Variants in GABRB1 observed in about 807,000 individuals in gnomAD.
The protein encoded by GABRB1 is gamma-aminobutyric acid type A receptor subunit beta1, also known as gamma-aminobutyric acid receptor subunit beta-1.
GABRB1 carries 17 observed loss-of-function variants against 51.6 expected under a neutral mutation model. The ratio of observed to expected loss-of-function variants is 0.33; its 90% CI spans 0.23 to 0.49. The LOEUF is 0.49. Among genes scored for constraint, GABRB1 ranks in the 20% least tolerant of loss-of-function variants. GABRB1 has a pLI of 0.99. For missense variants in GABRB1, 410 were observed against 600.6 expected (o/e 0.68, Z 3.32); for synonymous variants, 247 against 218.9 (o/e 1.13, Z -1.14).
chr4:47,403,392 G>A lies in GABRB1; in HGVS notation c.619G>A (p.Glu207Lys), dbSNP rs775300084. The A allele has an allele frequency of 1.2e-6, 2 of 1,613,946 alleles. No homozygotes were observed. Among genetic ancestry groups the A allele is most frequent in the South Asian group, 1.1e-5 (1 of 91,062 alleles). The change falls in exon 6 of 9, where the codon GAA (glutamate) becomes AAA (lysine). Residue 207 changes from glutamate (E) to lysine (K), a missense_variant. Coordinates refer to ENST00000295454, the MANE Select transcript of GABRB1 (RefSeq NM_000812.4). ...EGAVTGVNKIELPQFSIVDYK... is the reference protein window; with the variant it reads ...EGAVTGVNKIKLPQFSIVDYK... ...GGCAGTCACTGGTGTTAATAAAATCGAACTTCCTCAATTTTCAATTGTTGA... is the reference window on the plus strand; with the variant it reads ...GGCAGTCACTGGTGTTAATAAAATCAAACTTCCTCAATTTTCAATTGTTGA...
Position 47,425,922 on chromosome 4 carries a change from G to A in GABRB1, c.1329G>A (p.Leu443=), listed in dbSNP as rs6288. ...AGCTCAAAGTCAAGATCCCCGACTTGACTGATGTGAATTCCATAGACAAGT... is the reference window on the plus strand; with the variant it reads ...AGCTCAAAGTCAAGATCCCCGACTTAACTGATGTGAATTCCATAGACAAGT... ...ASQLKVKIPD[L]TDVNSIDKWS... Residue 443 remains leucine (L), a synonymous_variant, in exon 9 of 9, where the codon TTG becomes TTA. Transcript: ENST00000295454. The A allele has an allele frequency of 3.6e-3, 5,834 of 1,614,128 alleles. 16 individuals are homozygous for A. Among genetic ancestry groups the A allele is most frequent in the Non-Finnish European group, 4.7e-3 (5,550 of 1,179,974 alleles).
chr4:47,119,620 T>G (rs1373072603), intron 3 of GABRB1, among the ~76,000 whole-genome samples: 2 of 151,984 alleles, frequency 1.3e-5, no homozygotes, highest in Admixed American at 1.3e-4. Context: ...GCGATTCTGC[T>G]GCCTCAGCCT....
intron 4 of GABRB1, among the ~76,000 whole-genome samples, chr4:47,300,860 G>A (rs1274043620): frequency 6.6e-6 from 1 of 152,104 alleles, no homozygotes; most frequent in African/African-American, 2.4e-5. Context: ...AATGGACAAA[G>A]AGGCTATACA....
Position 47,040,516 on chromosome 4 carries a change from G to A in GABRB1, c.240+8032G>A, listed in dbSNP as rs536984642. Among the ~76,000 whole-genome samples, 243 of 152,170 alleles carry A rather than the reference G, an allele frequency of 1.6e-3. 4 individuals are homozygous for A. The highest frequency in any genetic ancestry group is 5.7e-3 in the African/African-American group (236 of 41,532). ...TTCCATATTAAGTGATTGACATCGG[G>A]GCTGCATGTGCCTAGGGAGGGAACC... is the stretch of plus-strand genomic sequence containing the variant. On this transcript the variant is annotated intron_variant, in intron 3 of 8. Transcript: ENST00000295454.
At chr4:47,033,916 T>C (rs1384526839) in intron 3 of GABRB1, among the ~76,000 whole-genome samples, 2 of 152,224 alleles carry the variant, frequency 1.3e-5, no homozygotes, top group African/African-American at 2.4e-5. Flanking sequence ...TATTATATTC[T>C]GTTTACATAC....
At chr4:47,125,048 T>C (rs1271969283) in intron 3 of GABRB1, among the ~76,000 whole-genome samples, 3 of 152,162 alleles carry the variant, frequency 2.0e-5, no homozygotes, top group Admixed American at 6.5e-5. Context: ...AATTAACTTA[T>C]CAAGAATTAA....
chr4:47,215,838 T>A (rs1455511546), intron 4 of GABRB1, among the ~76,000 whole-genome samples: 1 of 152,120 alleles, frequency 6.6e-6, no homozygotes, highest in Non-Finnish European at 1.5e-5. Flanking sequence ...GGAATAGGAA[T>A]GAATACTGCC....
intron 4 of GABRB1, among the ~76,000 whole-genome samples, chr4:47,215,956 T>A (rs576503913): frequency 2.0e-5 from 3 of 152,180 alleles, no homozygotes. Context: ...TTTAAGTGGA[T>A]GATATCACAT....
chr4:47,098,802 A>G (rs1714586360), intron 3 of GABRB1, among the ~76,000 whole-genome samples: 1 of 152,098 alleles, frequency 6.6e-6, no homozygotes, highest in African/African-American at 2.4e-5. Flanking sequence ...TGTGATGTCA[A>G]TCCAGAGTTT....
At chr4:47,113,423 A>T (rs1414868650) in intron 3 of GABRB1, among the ~76,000 whole-genome samples, 1 of 152,136 alleles carries the variant, frequency 6.6e-6, no homozygotes, top group Non-Finnish European at 1.5e-5. Context: ...CGTTGAGTAC[A>T]TAATGTGTTA....
chr4:47,332,208 A>G (rs35276546), intron 5 of GABRB1, among the ~76,000 whole-genome samples: 32,232 of 152,170 alleles, frequency 0.21, 4,365 homozygotes, highest in Middle Eastern at 0.39. Context: ...TATAAATGCA[A>G]TAGATCACAC....
intron 4 of GABRB1, among the ~76,000 whole-genome samples, chr4:47,291,640 T>C (rs1237134006): frequency 6.6e-6 from 1 of 152,072 alleles, no homozygotes; most frequent in East Asian, 1.9e-4. Context: ...CCGAAGACTA[T>C]GGGAAGCTAC....
At chr4:47,238,040 A>G (rs2109844456) in intron 4 of GABRB1, among the ~76,000 whole-genome samples, 1 of 152,166 alleles carries the variant, frequency 6.6e-6, no homozygotes, top group African/African-American at 2.4e-5. Flanking sequence ...CATGTAATTT[A>G]TGTTTTTAAT....
At chr4:47,186,417 GT>G (rs1719186079) in intron 4 of GABRB1, among the ~76,000 whole-genome samples, 1 of 151,790 alleles carries the variant, frequency 6.6e-6, no homozygotes, top group Non-Finnish European at 1.5e-5. Context: ...GAAGATTGGT[GT>G]AAACATTGAT....
At chr4:47,287,467 C>T (rs781421026) in intron 4 of GABRB1, among the ~76,000 whole-genome samples, 2 of 152,124 alleles carry the variant, frequency 1.3e-5, no homozygotes, top group Non-Finnish European at 2.9e-5. Context: ...AATGCCATTC[C>T]CCCATACCTT....
chr4:47,256,724 ATGAGATCTTG>A (rs969490670), intron 4 of GABRB1, among the ~76,000 whole-genome samples: 1 of 152,120 alleles, frequency 6.6e-6, no homozygotes, highest in African/African-American at 2.4e-5. Context: ...ACTATAAACA[ATGAGATCTTG>A]TGACAACTCA....
At chr4:47,343,706 T>C (rs1276869539) in intron 5 of GABRB1, among the ~76,000 whole-genome samples, 2 of 152,292 alleles carry the variant, frequency 1.3e-5, no homozygotes, top group East Asian at 1.9e-4. Context: ...ACCAGAAAAT[T>C]AGGCCTGTGC....
At chr4:47,204,900 T>C (rs1720052062) in intron 4 of GABRB1, among the ~76,000 whole-genome samples, 1 of 152,138 alleles carries the variant, frequency 6.6e-6, no homozygotes, top group Non-Finnish European at 1.5e-5. Flanking sequence ...AAAATACCCA[T>C]CAAGAAAACT....
intron 3 of GABRB1, among the ~76,000 whole-genome samples, chr4:47,072,816 T>A (rs1448295734): frequency 1.3e-5 from 2 of 152,186 alleles, no homozygotes; most frequent in African/African-American, 4.8e-5. Context: ...GGTACTAATT[T>A]AATTAAATTA....
Sources: gnomAD v4.1 joint callset for allele counts (sites outside exome capture counted in the v4.1 genomes callset) on GRCh38, gnomAD v4.1.1 for gene constraint, MANE v1.5 for transcripts, NCBI Gene and HGNC (gene_info 2026-07-23, HGNC 2026-07-21) for gene names.